DTYMK: variants seen among roughly 807,000 people sequenced by gnomAD.
DTYMK encodes thymidylate kinase.
A neutral mutation model predicts 20.3 loss-of-function variants in DTYMK; 20 were observed. The observed-to-expected ratio is 0.99, with a 90% CI of 0.69 to 1.43. DTYMK has a LOEUF of 1.43. Among genes scored for constraint, DTYMK ranks in the 40% most tolerant of loss-of-function variants. The pLI, the probability that DTYMK is intolerant of heterozygous loss-of-function variation, is 0.00. For missense variants in DTYMK, 320 were observed against 291.1 expected (o/e 1.10, Z -0.72); for synonymous variants, 148 against 124.4 (o/e 1.19, Z -1.27).
chr2:241,684,133 T>A (rs1238088529), intron 2 of DTYMK, among the ~76,000 whole-genome samples: 1 of 151,994 alleles, frequency 6.6e-6, no homozygotes, highest in Non-Finnish European at 1.5e-5. Flanking sequence ...AAATATCTAT[T>A]AGGGAAACAA....
In DTYMK at chr2:241,680,244, G is replaced by T. The variant is rs754658323; in HGVS notation, c.315C>A (p.Phe105Leu). The T allele has an allele frequency of 6.2e-7, 1 of 1,614,192 alleles. No homozygotes were observed. Among genetic ancestry groups the T allele is most frequent in the Admixed American group, 1.7e-5 (1 of 60,016 alleles). Reference sequence around the variant, plus strand: ...TGGCACTCACCTCCTTGGCACCGGTGAAGGCCACACCAGAAAATGCGTATC... The same window carrying T: ...TGGCACTCACCTCCTTGGCACCGGTTAAGGCCACACCAGAAAATGCGTATC... ...VDRYAFSGVA[F>L]TGAKENFSLD... is the part of the protein sequence containing the mutation. The change falls in exon 3 of 5, where the codon TTC becomes TTA. Residue 105 changes from phenylalanine (F) to leucine (L), a missense_variant. Transcript: ENST00000305784.
At chr2:241,683,076 A>G (rs2124825518) in intron 2 of DTYMK, among the ~76,000 whole-genome samples, 1 of 152,176 alleles carries the variant, frequency 6.6e-6, no homozygotes, top group South Asian at 2.1e-4. Context: ...CCTGGTTGAG[A>G]CCCTGTCCCA....
intron 3 of DTYMK, among the ~76,000 whole-genome samples, chr2:241,679,417 C>T (rs995257873): frequency 1.3e-5 from 2 of 152,164 alleles, no homozygotes; most frequent in Admixed American, 6.5e-5. Context: ...TATTATACAA[C>T]GTAATACTTC....
intron 3 of DTYMK, among the ~76,000 whole-genome samples, chr2:241,679,728 G>A (rs2069196182): frequency 6.6e-6 from 1 of 152,118 alleles, no homozygotes; most frequent in African/African-American, 2.4e-5. Context: ...TAGCACTTTG[G>A]GAGGCTGAGA....
At position 241,678,555 on chromosome 2, in the gene DTYMK, T is replaced by C. The variant is rs375676989; in HGVS notation, c.425A>G (p.Lys142Arg). 1.1e-5 allele frequency: 18 copies of C among 1,614,062 alleles called. No individual in the cohort carries two copies. Among genetic ancestry groups the C allele is most frequent in the Non-Finnish European group, 1.5e-5 (18 of 1,180,050 alleles). The stretch of plus-strand genomic sequence containing the variant: ...GCGCTCATGGCCAAACGCTCCCCGC[T>C]TGGCAGCATCCGCCAGCTGTAACTG... Reference protein sequence around the residue: ...FLQLQLADAAKRGAFGHERYE... With the variant: ...FLQLQLADAARRGAFGHERYE... Residue 142 changes from lysine (K) to arginine (R), a missense_variant, in exon 4 of 5, where the codon AAG (lysine) becomes AGG (arginine). By Grantham distance (26) the Lys-to-Arg change is conservative. Coordinates refer to ENST00000305784, the MANE Select transcript of DTYMK (RefSeq NM_012145.4).
At position 241,686,748 on chromosome 2, in the gene DTYMK, C is replaced by T. The variant is rs768498689; in HGVS notation, c.36G>A (p.Glu12=). ...TGCTCTTCCCGGCGCGGTCCACGCCCTCCAGCACTATGAGAGCCCCGCGCC... is the reference window on the plus strand; with the variant it reads ...TGCTCTTCCCGGCGCGGTCCACGCCTTCCAGCACTATGAGAGCCCCGCGCC... ...AARRGALIVL[E]GVDRAGKSTQ... The change falls in exon 1 of 5, where the codon GAG becomes GAA. Residue 12 remains glutamate, a synonymous_variant. Transcript: ENST00000305784. 12 of 1,524,776 alleles carry T rather than the reference C, an allele frequency of 7.9e-6. No individual in the cohort carries two copies. The highest frequency in any genetic ancestry group is 1.4e-5 in the African/African-American group (1 of 69,406). 94.5% of individuals were successfully genotyped at this position (1,524,776 alleles called of 1,614,324 possible). A position where few individuals can be genotyped will look rare whatever the true frequency, so the allele number is the denominator to read the frequency against.
chr2:241,677,092 T>C (rs940799286), intron 4 of DTYMK, among the ~76,000 whole-genome samples: 1 of 152,264 alleles, frequency 6.6e-6, no homozygotes, highest in Non-Finnish European at 1.5e-5. Flanking sequence ...TCAGAAGCGC[T>C]GGCATCTCAG....
In DTYMK at chr2:241,678,625, G is replaced by C; in HGVS notation, c.355C>G (p.Gln119Glu). Residue 119 changes from glutamine to glutamate, a missense_variant, in exon 4 of 5, where the codon CAG becomes GAG. By Grantham distance (29) the Gln-to-Glu change is conservative. Coordinates refer to ENST00000305784, the MANE Select transcript of DTYMK (RefSeq NM_012145.4). ...KENFSLDWCK[Q>E]PDVGLPKPDL... is the part of the protein sequence containing the mutation. ...GGTTTGGGAAGGCCCACGTCTGGCT[G>C]TTTACACCAATCTAGGGAAAAATTC... The C allele has an allele frequency of 6.2e-7, 1 of 1,614,104 alleles. No homozygotes were observed. The highest frequency in any genetic ancestry group is 8.5e-7 in the Non-Finnish European group (1 of 1,180,036).
At chr2:241,682,326 G>T (rs1345946751) in intron 2 of DTYMK, 4 of 410,430 alleles carry the variant, frequency 9.7e-6, no homozygotes, top group Non-Finnish European at 2.0e-5. Context: ...ATGACACAGA[G>T]ACCCTGTCTA....
Position 241,685,843 on chromosome 2 carries a change from G to A in DTYMK, c.165C>T (p.Ser55=), listed in dbSNP as rs952397128. ...RSTEIGKLLS[S]YLQKKSDVED... ...CCACGTCACTTTTCTTTTGCAAGTA[G>A]GAACTCAGAAGTTTGCCGATTTCAG... Residue 55 remains serine, a synonymous_variant, in exon 2 of 5, where the codon TCC becomes TCT. Transcript: ENST00000305784. 6.2e-7 allele frequency: 1 copy of A among 1,614,172 alleles called. No individual in the cohort carries two copies. Among genetic ancestry groups the A allele is most frequent in the Admixed American group, 1.7e-5 (1 of 60,008 alleles).
At chr2:241,676,350 G>A (rs2069116543) in intron 4 of DTYMK, 113 bp from the exon 5 acceptor site, 1 of 982,448 alleles carries the variant, frequency 1.0e-6, no homozygotes, top group East Asian at 2.8e-5. Flanking sequence ...AGGGAGGACT[G>A]CTTGTACCCA....
chr2:241,677,112 G>A (rs932799767), intron 4 of DTYMK, among the ~76,000 whole-genome samples: 9 of 152,262 alleles, frequency 5.9e-5, no homozygotes, highest in African/African-American at 1.4e-4. Flanking sequence ...GCGGCATCCC[G>A]GCTTCTGCTG....
Position 241,686,797 on chromosome 2 carries a change from C to A in DTYMK, c.-14G>T. 2 of 1,450,114 alleles carry A rather than the reference C, an allele frequency of 1.4e-6. No individual in the cohort carries two copies. The highest frequency in any genetic ancestry group is 1.4e-5 in the South Asian group (1 of 69,280). The allele number at this position is 1,450,114 out of a possible 1,614,324, so 89.8% of individuals were successfully genotyped here. On this transcript the variant is annotated 5_prime_UTR_variant, in exon 1 of 5. Transcript: ENST00000305784. ...CCGGGCCGCCATGACTGTCCACCGC[C>A]CGCCGCTGGCGTCTCCACGCAGCCT...
At chr2:241,678,162 C>T (rs1222019232) in intron 4 of DTYMK, among the ~76,000 whole-genome samples, 2 of 151,960 alleles carry the variant, frequency 1.3e-5, no homozygotes, top group East Asian at 1.9e-4. Context: ...CCCAGCTACT[C>T]GGGAGGCTGA....
Position 241,678,623 on chromosome 2 carries a change from C to T in DTYMK, c.357G>A (p.Gln119=). The T allele has an allele frequency of 6.2e-7, 1 of 1,614,150 alleles. No homozygotes were observed. The highest frequency in any genetic ancestry group is 1.3e-5 in the African/African-American group (1 of 75,052). The change falls in exon 4 of 5, where the codon CAG becomes CAA. Residue 119 remains glutamine, a synonymous_variant. Coordinates refer to ENST00000305784, the MANE Select transcript of DTYMK (RefSeq NM_012145.4). ...KENFSLDWCK[Q]PDVGLPKPDL... ...CGGGTTTGGGAAGGCCCACGTCTGG[C>T]TGTTTACACCAATCTAGGGAAAAAT...
At chr2:241,678,894 G>A (rs1001311153) in intron 3 of DTYMK, among the ~76,000 whole-genome samples, 15 of 152,242 alleles carry the variant, frequency 9.9e-5, no homozygotes, top group African/African-American at 2.2e-4. Context: ...GCCAGTCCCC[G>A]CCACCCACAG....
intron 2 of DTYMK, chr2:241,682,328 C>A (rs1042319494): frequency 2.5e-6 from 1 of 407,102 alleles, no homozygotes; most frequent in African/African-American, 2.1e-5. Context: ...GACACAGAGA[C>A]CCTGTCTAAA....
Position 241,680,217 on chromosome 2 carries a change from A to T in DTYMK, c.330+12T>A. 1 of 1,613,912 alleles carries T rather than the reference A, an allele frequency of 6.2e-7. No homozygotes were observed. The highest frequency in any genetic ancestry group is 8.5e-7 in the Non-Finnish European group (1 of 1,179,844). ...TCTGTGCTCGCCTGACAGGAGGCCA[A>T]GTGGCACTCACCTCCTTGGCACCGG... is the stretch of plus-strand genomic sequence containing the variant. On this transcript the variant is annotated intron_variant, in intron 3 of 4. Coordinates refer to ENST00000305784, the MANE Select transcript of DTYMK (RefSeq NM_012145.4).
At chr2:241,677,128 T>A (rs1043109251) in intron 4 of DTYMK, among the ~76,000 whole-genome samples, 1 of 152,196 alleles carries the variant, frequency 6.6e-6, no homozygotes, top group East Asian at 1.9e-4. Flanking sequence ...TGCTGTCGGG[T>A]GGCACCGGAC....
Sources: allele counts gnomAD v4.1 joint callset (sites outside exome capture counted in the v4.1 genomes callset), GRCh38; gene constraint gnomAD v4.1.1; transcripts MANE v1.5; gene names NCBI Gene and HGNC (gene_info 2026-07-23, HGNC 2026-07-21).